Variants in MTMR1 observed in about 807,000 individuals in gnomAD.
MTMR1 encodes myotubularin related protein 1, also known as phosphatidylinositol-3-phosphate phosphatase MTMR1.
In MTMR1, 17 loss-of-function variants were observed where a neutral mutation model predicts 51.6. The observed-to-expected ratio is 0.33, with a 90% CI of 0.23 to 0.49. MTMR1 has a LOEUF of 0.49. Among genes scored for constraint, MTMR1 ranks in the 20% least tolerant of loss-of-function variants. The pLI is 0.99. For missense variants in MTMR1, 386 were observed against 526.9 expected (o/e 0.73, Z 2.62); for synonymous variants, 201 against 205.6 (o/e 0.98, Z 0.19).
rs2042149158 is a variant in MTMR1, at chrX:150,732,531, A to G, written c.892-11A>G. 3.4e-6 allele frequency: 4 copies of G among 1,192,816 alleles called. No homozygotes were observed. Among genetic ancestry groups the G allele is most frequent in the Non-Finnish European group, 4.5e-6 (4 of 885,525 alleles). ...GGAACTGTACTAATATTTATTGCTT[A>G]AAAACACTAGGTGTTGTCATGGATT... On this transcript the variant is annotated splice_polypyrimidine_tract_variant and intron_variant, in intron 9 of 15. Transcript: ENST00000445323.
At chrX:150,730,243 C>T in intron 7 of MTMR1, 33 bp downstream of exon 7, 1 of 983,919 alleles carries the variant, frequency 1.0e-6, no homozygotes, top group Non-Finnish European at 1.4e-6. Flanking sequence ...TTTCTGCATG[C>T]ATTTGTGGGG....
chrX:150,743,054 A>G (rs373201340), intron 12 of MTMR1, among the ~76,000 whole-genome samples: 8 of 111,115 alleles, frequency 7.2e-5, no homozygotes, highest in African/African-American at 2.6e-4. Context: ...AGAAATGGTG[A>G]TGGTTGCATA....
intron 15 of MTMR1, among the ~76,000 whole-genome samples, chrX:150,760,433 C>CAG (rs1557417974): frequency 9.0e-6 from 1 of 111,664 alleles, no homozygotes; most frequent in African/African-American, 3.3e-5. Flanking sequence ...GGGCATCCAT[C>CAG]AGAGGATGGC....
rs782281933 is a variant in MTMR1, at chrX:150,748,604, G to T, written c.1567-2126G>T. ...AGGCCGAGATGGGAGGATCACTTGA[G>T]ATCAGGAGCTCAAGACCAGCCTAGG... is the stretch of plus-strand genomic sequence containing the variant. On this transcript the variant is annotated intron_variant, in intron 13 of 15. Transcript: ENST00000445323. 4.6e-5 allele frequency among the ~76,000 whole-genome samples: 5 copies of T among 108,688 alleles called. No individual in the cohort carries two copies. The South Asian group carries it at 2.0e-3, about 44-fold the overall frequency. The allele number at this position is 108,688 out of a possible 115,157, so 94.4% of individuals were successfully genotyped here.
At chrX:150,718,888 G>A (rs1025953027) in intron 4 of MTMR1, among the ~76,000 whole-genome samples, 188 bp downstream of exon 4, 25 of 110,295 alleles carry the variant, frequency 2.3e-4, no homozygotes, top group African/African-American at 8.2e-4. Flanking sequence ...AGAGGATCCC[G>A]TTAAGTTCCA....
chrX:150,711,033 C>T (rs1224216922), intron 2 of MTMR1, among the ~76,000 whole-genome samples: 1 of 112,314 alleles, frequency 8.9e-6, no homozygotes, highest in Non-Finnish European at 1.9e-5. Context: ...TTACCATAAA[C>T]ATATACTACT....
intron 1 of MTMR1, among the ~76,000 whole-genome samples, chrX:150,696,268 T>C (rs1383796845): frequency 9.0e-6 from 1 of 111,440 alleles, no homozygotes; most frequent in Admixed American, 9.5e-5. Context: ...TGGCCTCCTT[T>C]CTCAGTTCTG....
At chrX:150,748,377 T>TTTCA (rs1557417509) in intron 13 of MTMR1, among the ~76,000 whole-genome samples, 8 of 111,898 alleles carry the variant, frequency 7.1e-5, no homozygotes, top group African/African-American at 2.6e-4. Context: ...CTATCCTTGA[T>TTTCA]TTAATAAAGC....
intron 15 of MTMR1, among the ~76,000 whole-genome samples, chrX:150,757,755 C>T (rs1395747149): frequency 8.9e-6 from 1 of 112,223 alleles, no homozygotes; most frequent in Non-Finnish European, 1.9e-5. Flanking sequence ...AGACTTGCAT[C>T]TGTGTCCCTC....
Position 150,693,680 on chromosome X carries a change from A to T in MTMR1, c.146+4A>T, listed in dbSNP as rs1230584139. 8 of 754,285 alleles carry T rather than the reference A, an allele frequency of 1.1e-5. No individual in the cohort carries two copies. The highest frequency in any genetic ancestry group is 1.2e-5 in the Non-Finnish European group (8 of 641,109). The allele number at this position is 754,285 out of a possible 1,213,427, so 62.2% of individuals were successfully genotyped here. A position where few individuals can be genotyped will look rare whatever the true frequency, so the allele number is the denominator to read the frequency against. ...CCAGCGTGGAGACCCTGGACAGGTA[A>T]GCGGGGCCCGGGCTGCCCCGGCCTC... On this transcript the variant is annotated splice_donor_region_variant and intron_variant, in intron 1 of 15. Transcript: ENST00000445323.
rs73622495 is a variant in MTMR1 at position 150,760,194 on chromosome X, T to C, written c.1858-2371T>C. ...CAACAGGCATGTGTCGGACACCTCCTAGGTGTGGGAATGGGGGTGGGGGAG... is the reference window on the plus strand; with the variant it reads ...CAACAGGCATGTGTCGGACACCTCCCAGGTGTGGGAATGGGGGTGGGGGAG... On this transcript the variant is annotated intron_variant, in intron 15 of 15. Coordinates refer to ENST00000445323, the MANE Select transcript of MTMR1 (RefSeq NM_001306144.3). Among the ~76,000 whole-genome samples, 456 of 107,782 alleles carry C rather than the reference T, an allele frequency of 4.2e-3. 9 individuals are homozygous for C. Among genetic ancestry groups the C allele is most frequent in the African/African-American group, 0.014 (411 of 30,213 alleles). The allele number at this position is 107,782 out of a possible 115,157, so 93.6% of individuals were successfully genotyped here. A position where few individuals can be genotyped will look rare whatever the true frequency, so the allele number is the denominator to read the frequency against.
At chrX:150,712,528 C>T (rs997314118) in intron 3 of MTMR1, among the ~76,000 whole-genome samples, 163 bp downstream of exon 3, 15 of 111,815 alleles carry the variant, frequency 1.3e-4, no homozygotes, top group Admixed American at 1.3e-3. Context: ...TCACTAGAAA[C>T]GCTTTATTTG....
chrX:150,727,134 A>ATG lies in MTMR1; in HGVS notation c.353-80_353-79insGT. 6.5e-6 allele frequency: 4 copies of ATG among 615,998 alleles called. 1 individual carries two copies. Among genetic ancestry groups the ATG allele is most frequent in the Non-Finnish European group, 1.0e-5 (4 of 388,586 alleles). 50.8% of individuals were successfully genotyped at this position (615,998 alleles called of 1,213,427 possible). A position where few individuals can be genotyped will look rare whatever the true frequency, so the allele number is the denominator to read the frequency against. On this transcript the variant is annotated intron_variant, in intron 4 of 15. Transcript: ENST00000445323. ...TTCCTGGAAAACTGGAATCACAAAT[A>ATG]TATATTTGGAAAACTCGTGTTAAGT... is the stretch of plus-strand genomic sequence containing the variant.
chrX:150,718,595 TTTTTTTTTTTTTTTTTTTTTTTTTG>T lies in MTMR1; in HGVS notation c.277-29_277-5del. On this transcript the variant is annotated splice_region_variant and splice_polypyrimidine_tract_variant and intron_variant, in intron 3 of 15. Transcript: ENST00000445323. The stretch of plus-strand genomic sequence containing the variant: ...TCCCGTTTGGTGTCCTTTTTTTTTT[TTTTTTTTTTTTTTTTTTTTTTTTTG>T]CCAGGCTCTAAGGGATGGAAATAAG... 6.8e-6 allele frequency: 2 copies of T among 292,839 alleles called. No homozygotes were observed. Among genetic ancestry groups the T allele is most frequent in the Admixed American group, 1.2e-4 (1 of 8,666 alleles). 24.1% of individuals were successfully genotyped at this position (292,839 alleles called of 1,213,427 possible). A position where few individuals can be genotyped will look rare whatever the true frequency, so the allele number is the denominator to read the frequency against.
chrX:150,702,000 G>C (rs1205817029), intron 2 of MTMR1, among the ~76,000 whole-genome samples: 1 of 111,317 alleles, frequency 9.0e-6, no homozygotes. Flanking sequence ...TGAAAAGCTA[G>C]AGTGATTTTA....
chrX:150,762,110 G>C (rs782404298), intron 15 of MTMR1, among the ~76,000 whole-genome samples: 1 of 112,752 alleles, frequency 8.9e-6, no homozygotes, highest in Non-Finnish European at 1.9e-5. Context: ...TTTAACAGAA[G>C]GATTTTCAGT....
intron 15 of MTMR1, among the ~76,000 whole-genome samples, chrX:150,759,344 C>G (rs16995745): frequency 0.11 from 12,834 of 111,844 alleles, 542 homozygotes; most frequent in Middle Eastern, 0.14. Context: ...TCAGAAGTCA[C>G]TATGTTACTG....
At chrX:150,744,035 T>C (rs1184295771) in intron 12 of MTMR1, among the ~76,000 whole-genome samples, 2 of 112,870 alleles carry the variant, frequency 1.8e-5, no homozygotes, top group Non-Finnish European at 3.7e-5. Flanking sequence ...GCATCCTACG[T>C]TGACACTGTA....
Position 150,727,319 on chromosome X carries a change from T to C in MTMR1, c.447+10T>C, listed in dbSNP as rs782185322. ...CAAAAATGTCGAGAGGGTGAGTTTT[T>C]TAAAGTGTGTTTTATTTTAAAAGAA... On this transcript the variant is annotated intron_variant, in intron 5 of 15. Coordinates refer to ENST00000445323, the MANE Select transcript of MTMR1 (RefSeq NM_001306144.3). 9.3e-5 allele frequency: 108 copies of C among 1,160,026 alleles called. No homozygotes were observed. In the Middle Eastern group the frequency reaches 1.4e-3, roughly 15 times the overall value.
Sources: gnomAD v4.1 joint callset for allele counts (sites outside exome capture counted in the v4.1 genomes callset) on GRCh38, gnomAD v4.1.1 for gene constraint, MANE v1.5 for transcripts, NCBI Gene and HGNC (gene_info 2026-07-23, HGNC 2026-07-21) for gene names.